EPC1: variants seen among roughly 807,000 people sequenced by gnomAD.
The protein encoded by EPC1 is enhancer of polycomb 1, also known as enhancer of polycomb homolog 1.
In EPC1, 12 loss-of-function variants were observed where a neutral mutation model predicts 98.4. The observed-to-expected ratio is 0.12, with a 90% CI of 0.08 to 0.20. The LOEUF is 0.20. EPC1 is among the 10% of genes least tolerant of loss of function. The pLI, the probability that EPC1 is intolerant of heterozygous loss-of-function variation, is 1.00. For missense variants in EPC1, 729 were observed against 990.5 expected (o/e 0.74, Z 3.54); for synonymous variants, 357 against 363.9 (o/e 0.98, Z 0.21).
At position 32,346,902 on chromosome 10, in the gene EPC1, G is replaced by A. The variant is rs1838870725; in HGVS notation, c.14C>T (p.Ser5Leu). The A allele has an allele frequency of 1.2e-6, 2 of 1,613,808 alleles. No homozygotes were observed. Among genetic ancestry groups the A allele is most frequent in the Admixed American group, 1.7e-5 (1 of 60,016 alleles). The change falls in exon 1 of 14, where the codon TCG (serine) becomes TTG (leucine). Residue 5 changes from serine to leucine, a missense_variant. Around this residue, in one of 6 missense-constraint regions of EPC1, gnomAD observed 46 missense variants for 119.7 expected, o/e 0.38. Coordinates refer to ENST00000319778, the MANE Select transcript of EPC1 (RefSeq NM_001272004.3). ...GGCGTCTAGCGCCCGCGCCCGAAAC[G>A]ACAGTTTACTCATCTCAGGCGCAGC... MSKL[S>L]FRARALDASK...
chr10:32,347,306 C>A (rs2370760), upstream of EPC1: 2 of 648,194 alleles, frequency 3.1e-6, no homozygotes, highest in Non-Finnish European at 2.0e-6. Flanking sequence ...GCCTCGCTTC[C>A]CGCGCCTCGC....
intron 2 of EPC1, among the ~76,000 whole-genome samples, chr10:32,303,387 C>A (rs1835688103): frequency 6.6e-6 from 1 of 152,064 alleles, no homozygotes; most frequent in Admixed American, 6.5e-5. Flanking sequence ...TTGTAATAAT[C>A]AAAAACTGGA....
chr10:32,282,780 A>T (rs1056120924), intron 10 of EPC1: 6 of 152,302 alleles, frequency 3.9e-5, no homozygotes, highest in South Asian at 2.1e-4. Context: ...CAACTTCTCT[A>T]TTTAAGGGGT....
At chr10:32,369,426 A>G (rs1839687862) in intron 1 of EPC1, among the ~76,000 whole-genome samples, 1 of 152,208 alleles carries the variant, frequency 6.6e-6, no homozygotes, top group Non-Finnish European at 1.5e-5. Flanking sequence ...TACAGTAAAT[A>G]TAAATAAGGC....
intron 1 of EPC1, among the ~76,000 whole-genome samples, chr10:32,357,078 A>G (rs1684643682): frequency 6.6e-6 from 1 of 152,238 alleles, no homozygotes; most frequent in South Asian, 2.1e-4. Context: ...CACAAGAATG[A>G]GACCACTTTG....
At chr10:32,272,885 T>C in intron 11 of EPC1, 1 of 698,420 alleles carries the variant, frequency 1.4e-6, no homozygotes, top group Non-Finnish European at 2.4e-6. Flanking sequence ...CTGGGTGGGG[T>C]TATATATTCA....
intron 10 of EPC1, among the ~76,000 whole-genome samples, chr10:32,274,213 G>C (rs1251155989): frequency 1.3e-5 from 2 of 150,938 alleles, no homozygotes; most frequent in African/African-American, 4.9e-5. Context: ...GTTTGAGTAA[G>C]AATTATTTTA....
chr10:32,364,008 T>C (rs1329680439), intron 1 of EPC1, among the ~76,000 whole-genome samples: 4 of 125,312 alleles, frequency 3.2e-5, no homozygotes, highest in East Asian at 2.3e-4. Context: ...TGGCATTTTT[T>C]TTTTTTTTTT....
chr10:32,290,801 G>A (rs1177581121), intron 6 of EPC1, among the ~76,000 whole-genome samples: 1 of 150,954 alleles, frequency 6.6e-6, no homozygotes, highest in Admixed American at 6.6e-5. Flanking sequence ...TTTAGATGGA[G>A]TCTTGCTGTG....
chr10:32,301,371 T>A (rs1038540894), intron 2 of EPC1, among the ~76,000 whole-genome samples: 1 of 152,228 alleles, frequency 6.6e-6, no homozygotes, highest in African/African-American at 2.4e-5. Flanking sequence ...AATTGACCTA[T>A]AGACTTAAGG....
chr10:32,334,523 A>T (rs1268737957), intron 1 of EPC1, among the ~76,000 whole-genome samples: 2 of 152,144 alleles, frequency 1.3e-5, no homozygotes, highest in Non-Finnish European at 2.9e-5. Context: ...ACAAATGGTG[A>T]TGTCAATGAA....
intron 10 of EPC1, chr10:32,274,166 CCT>C (rs1174922971): frequency 6.7e-6 from 1 of 150,134 alleles, no homozygotes; most frequent in African/African-American, 2.4e-5. Context: ...AATCACAATA[CCT>C]CTGATTTTAA....
chr10:32,301,881 A>T (rs1835566101), intron 2 of EPC1, among the ~76,000 whole-genome samples: 1 of 152,186 alleles, frequency 6.6e-6, no homozygotes, highest in Non-Finnish European at 1.5e-5. Context: ...AGGATCCATT[A>T]CGAGGAAAAT....
chr10:32,316,677 G>C (rs1252557649), intron 1 of EPC1, among the ~76,000 whole-genome samples: 1 of 152,190 alleles, frequency 6.6e-6, no homozygotes, highest in African/African-American at 2.4e-5. Context: ...GAAGGGGAAT[G>C]AAAGAGTTTT....
At chr10:32,314,702 A>G (rs1264355144) in intron 1 of EPC1, among the ~76,000 whole-genome samples, 3 of 152,218 alleles carry the variant, frequency 2.0e-5, no homozygotes, top group East Asian at 1.9e-4. Context: ...TAAACAGGCC[A>G]TATCACTAAT....
chr10:32,353,011 T>C (rs2133085845), intron 1 of EPC1, among the ~76,000 whole-genome samples: 1 of 152,084 alleles, frequency 6.6e-6, no homozygotes, highest in South Asian at 2.1e-4. Context: ...TAAAATTAGC[T>C]GGGCGTGGTG....
At chr10:32,354,870 G>T (rs1839225763) in intron 1 of EPC1, among the ~76,000 whole-genome samples, 1 of 152,056 alleles carries the variant, frequency 6.6e-6, no homozygotes, top group Admixed American at 6.5e-5. Flanking sequence ...TGGGTTGCAT[G>T]TTCCTTATGA....
At chr10:32,345,474 T>A in intron 1 of EPC1, 4 of 985,466 alleles carry the variant, frequency 4.1e-6, no homozygotes, top group Non-Finnish European at 4.8e-6. Flanking sequence ...AGTACAATTT[T>A]CCACAACAAA....
Position 32,268,750 on chromosome 10 carries a change from C to T in EPC1, c.*313G>A, listed in dbSNP as rs1212515007. 7.4e-6 allele frequency: 1 copy of T among 135,896 alleles called. No homozygotes were observed. Among genetic ancestry groups the T allele is most frequent in the African/African-American group, 2.7e-5 (1 of 37,500 alleles). 8.4% of individuals were successfully genotyped at this position (135,896 alleles called of 1,614,324 possible). On this transcript the variant is annotated 3_prime_UTR_variant, in exon 14 of 14. Coordinates refer to ENST00000319778, the MANE Select transcript of EPC1 (RefSeq NM_001272004.3). Reference sequence around the variant, plus strand: ...ACACTCTTTGTTGCAATTGATTTCCCTCCCACCCCCCACCCCCAAGTGCAA... The same window carrying T: ...ACACTCTTTGTTGCAATTGATTTCCTTCCCACCCCCCACCCCCAAGTGCAA...
Sources: allele counts gnomAD v4.1 joint callset (sites outside exome capture counted in the v4.1 genomes callset), GRCh38; gene constraint gnomAD v4.1.1; regional missense constraint gnomAD v4.1.1; transcripts MANE v1.5; gene names NCBI Gene and HGNC (gene_info 2026-07-23, HGNC 2026-07-21).